PPP1R1C: variants seen among roughly 807,000 people sequenced by gnomAD.
PPP1R1C encodes protein phosphatase 1 regulatory inhibitor subunit 1C.
PPP1R1C carries 15 observed loss-of-function variants against 17.4 expected under a neutral mutation model. That is an observed-to-expected ratio of 0.86 (90% confidence interval 0.58 to 1.33). PPP1R1C has a LOEUF of 1.33. Ranked by LOEUF, PPP1R1C falls within the 40% of genes most tolerant of loss-of-function variation. The pLI is 0.00. For synonymous variants in PPP1R1C, 35 were observed against 43.1 expected, an observed-to-expected ratio of 0.81 and a Z score of 0.73; for missense variants, 143 against 130.0, an observed-to-expected ratio of 1.10 and a Z score of -0.48.
intron 2 of PPP1R1C, among the ~76,000 whole-genome samples, chr2:182,008,355 T>TAA (rs372701399): frequency 6.6e-6 from 1 of 150,660 alleles, no homozygotes; most frequent in Non-Finnish European, 1.5e-5. Flanking sequence ...TGGCTTACAA[T>TAA]AAAAAAAAAC....
At chr2:181,985,803 C>T, upstream of PPP1R1C, 1 of 390,224 alleles carries the variant, frequency 2.6e-6, no homozygotes, top group African/African-American at 2.0e-5. The surrounding 1 kb of genome is among the most constrained non-coding windows in gnomAD (Gnocchi z 4.1). Flanking sequence ...CAATTAGCTG[C>T]TGAGTGAATG....
intron 1 of PPP1R1C, among the ~76,000 whole-genome samples, chr2:181,986,933 C>T (rs1260366455): frequency 6.6e-6 from 1 of 152,162 alleles, no homozygotes; most frequent in Non-Finnish European, 1.5e-5. Context: ...TTTCTTAAAA[C>T]TTAAATTATT....
chr2:181,982,585 A>T (rs1685212826), upstream of PPP1R1C, among the ~76,000 whole-genome samples: 1 of 152,210 alleles, frequency 6.6e-6, no homozygotes, highest in South Asian at 2.1e-4. Context: ...AAATTGAGTG[A>T]TTCTTCTTGT....
At chr2:181,982,353 G>A (rs1024752202), upstream of PPP1R1C, among the ~76,000 whole-genome samples, 2 of 152,006 alleles carry the variant, frequency 1.3e-5, no homozygotes, top group African/African-American at 2.4e-5. Context: ...ATAGTCTTTT[G>A]GAAAATTCAG....
At chr2:182,037,781 C>G (rs550789852) in intron 2 of PPP1R1C, among the ~76,000 whole-genome samples, 1 of 152,192 alleles carries the variant, frequency 6.6e-6, no homozygotes, top group East Asian at 1.9e-4. Context: ...AAATCTATTA[C>G]AGACATCTCA....
At chr2:182,107,854 A>G (rs952111791) in intron 4 of PPP1R1C, among the ~76,000 whole-genome samples, 4 of 152,000 alleles carry the variant, frequency 2.6e-5, no homozygotes, top group African/African-American at 9.7e-5. Context: ...CTTCTCGCCT[A>G]CCACATCTGT....
chr2:182,085,926 C>A (rs1359111546), intron 4 of PPP1R1C, among the ~76,000 whole-genome samples: 3 of 151,612 alleles, frequency 2.0e-5, no homozygotes, highest in Non-Finnish European at 4.4e-5. Context: ...ATAAGAAAAC[C>A]CCTAGATGGG....
Position 182,029,293 on chromosome 2 carries a change from G to A in PPP1R1C, c.143-32149G>A, listed in dbSNP as rs1171918070. On this transcript the variant is annotated intron_variant, in intron 2 of 4. Transcript: ENST00000682840. ...GTTATTTTGCTCGTTAGTTGATGCA[G>A]TTTCTTCCTAGTCTCGATGGTCTTT... is the stretch of plus-strand genomic sequence containing the variant. Among the ~76,000 whole-genome samples the A allele has an allele frequency of 1.0e-3, 155 of 151,954 alleles. 1 individual carries two copies. Among genetic ancestry groups the A allele is most frequent in the Non-Finnish European group, 1.9e-3 (132 of 67,992 alleles).
intron 2 of PPP1R1C, among the ~76,000 whole-genome samples, chr2:182,020,993 T>A (rs1319724370): frequency 6.6e-6 from 1 of 152,188 alleles, no homozygotes; most frequent in African/African-American, 2.4e-5. Context: ...ACAGTTTTCT[T>A]CTTGAAATTC....
intron 4 of PPP1R1C, among the ~76,000 whole-genome samples, chr2:182,113,387 T>C (rs1430601002): frequency 6.6e-6 from 1 of 152,216 alleles, no homozygotes; most frequent in African/African-American, 2.4e-5. Context: ...CAGTTTCATC[T>C]ATAATTCCTC....
chr2:181,983,269 G>A (rs1238366178), upstream of PPP1R1C, among the ~76,000 whole-genome samples: 1 of 152,046 alleles, frequency 6.6e-6, no homozygotes, highest in Non-Finnish European at 1.5e-5. Context: ...TTTGAAACTG[G>A]GCTTTGCCAT....
chr2:182,093,903 G>A (rs1334006383), intron 4 of PPP1R1C, among the ~76,000 whole-genome samples: 1 of 152,168 alleles, frequency 6.6e-6, no homozygotes, highest in Non-Finnish European at 1.5e-5. Flanking sequence ...CTTTTTCTGA[G>A]CCCTTCAAAC....
At chr2:182,020,729 C>A (rs1686397234) in intron 2 of PPP1R1C, among the ~76,000 whole-genome samples, 1 of 152,138 alleles carries the variant, frequency 6.6e-6, no homozygotes, top group Non-Finnish European at 1.5e-5. Flanking sequence ...GAGCCCATAT[C>A]TTAAGAGAAA....
intron 2 of PPP1R1C, among the ~76,000 whole-genome samples, chr2:181,991,499 T>A (rs1420326815): frequency 6.6e-6 from 1 of 152,158 alleles, no homozygotes; most frequent in Non-Finnish European, 1.5e-5. Context: ...ATTGAAGGCA[T>A]GAGTCAGGGA....
At chr2:181,975,485 A>C (rs1685079921) in intron 2 of PPP1R1C, among the ~76,000 whole-genome samples, 1 of 151,940 alleles carries the variant, frequency 6.6e-6, no homozygotes, top group African/African-American at 2.4e-5. Flanking sequence ...TCTCTCAGAC[A>C]ACACATTCAT....
Position 181,976,253 on chromosome 2 carries a change from T to A in PPP1R1C, n.157+989T>A, listed in dbSNP as rs1685089963. 6.6e-6 allele frequency among the ~76,000 whole-genome samples: 1 copy of A among 152,128 alleles called. No homozygotes were observed. The highest frequency in any genetic ancestry group is 2.4e-5 in the African/African-American group (1 of 41,430). On this transcript the variant is annotated intron_variant and non_coding_transcript_variant, in intron 2 of 5. Transcript: ENST00000464264. The surrounding 1 kb of genome is among the most constrained non-coding windows in gnomAD (Gnocchi z 4.8). Reference sequence around the variant, plus strand: ...GGTGTTTAATGCATGAGTACATGCATGTGTATATATGGATACAAATCTATA... The same window carrying A: ...GGTGTTTAATGCATGAGTACATGCAAGTGTATATATGGATACAAATCTATA...
In PPP1R1C at chr2:182,073,994, A is replaced by C. The variant is rs551981047; in HGVS notation, c.241+10203A>C. Among the ~76,000 whole-genome samples the C allele has an allele frequency of 4.0e-4, 61 of 152,104 alleles. No individual in the cohort carries two copies. The South Asian group carries it at 0.012, about 30-fold the overall frequency. ...GCCATATTTCTTGTGAGTGCTTTGA[A>C]GATTTGGGACCAGGGCAAAAGGACA... On this transcript the variant is annotated intron_variant, in intron 4 of 4. Transcript: ENST00000682840.
chr2:182,087,829 T>A (rs1166849837), intron 4 of PPP1R1C, among the ~76,000 whole-genome samples: 1 of 152,260 alleles, frequency 6.6e-6, no homozygotes, highest in Non-Finnish European at 1.5e-5. Context: ...CATGTATTTT[T>A]CTTTGTTGCT....
Position 181,957,543 on chromosome 2 carries a change from G to A in PPP1R1C, n.111+2909G>A, listed in dbSNP as rs141631678. On this transcript the variant is annotated intron_variant and non_coding_transcript_variant, in intron 1 of 5. Transcript: ENST00000464264. The surrounding 1 kb of genome is among the most constrained non-coding windows in gnomAD (Gnocchi z 4.2). ...CAGACATTCATTCCATTGTTTATACGTAAAATTACTAAATATTAGTTATTG... is the reference window on the plus strand; with the variant it reads ...CAGACATTCATTCCATTGTTTATACATAAAATTACTAAATATTAGTTATTG... Among the ~76,000 whole-genome samples, 343 of 152,076 alleles carry A rather than the reference G, an allele frequency of 2.3e-3. 1 individual carries two copies. Among genetic ancestry groups the A allele is most frequent in the East Asian group, 0.014 (74 of 5,182 alleles).
Sources: allele counts gnomAD v4.1 joint callset (sites outside exome capture counted in the v4.1 genomes callset), GRCh38; gene constraint gnomAD v4.1.1; non-coding constraint Gnocchi (gnomAD v3.1); transcripts MANE v1.5; gene names NCBI Gene and HGNC (gene_info 2026-07-23, HGNC 2026-07-21).